Variants in LTB4R observed in about 807,000 individuals in gnomAD.
The protein encoded by LTB4R is leukotriene B4 receptor, also known as leukotriene B4 receptor 1.
For synonymous variants in LTB4R, 250 were observed against 230.7 expected, an observed-to-expected ratio of 1.08 and a Z score of -0.76; for missense variants, 470 against 485.6, an observed-to-expected ratio of 0.97 and a Z score of 0.30.
At position 24,316,384 on chromosome 14, in the gene LTB4R, G is replaced by GCGGGCCGCGCGCTGGCCGGC; in HGVS notation, c.735_754dup (p.Gln252ArgfsTer12). ...CTACCACGTGGTGAACCTGGCTGAG[G>GCGGGCCGCGCGCTGGCCGGC]CGGGCCGCGCGCTGGCCGGCCAGGC... is the stretch of plus-strand genomic sequence containing the variant. On this transcript the variant is annotated frameshift_variant, in exon 2 of 2. Transcript: ENST00000345363. LOFTEE classifies it low-confidence loss of function (END_TRUNC). The GCGGGCCGCGCGCTGGCCGGC allele has an allele frequency of 6.3e-7, 1 of 1,588,406 alleles. No homozygotes were observed. Among genetic ancestry groups the GCGGGCCGCGCGCTGGCCGGC allele is most frequent in the Non-Finnish European group, 8.5e-7 (1 of 1,171,866 alleles).
chr14:24,311,794 A>C lies in LTB4R; in HGVS notation c.-26A>C. ...CCCTGTCCCTTTCCACCCCCCACCC[A>C]CCCTCCAGAGGTCAGTGTTCTGGGA... On this transcript the variant is annotated 5_prime_UTR_variant, in exon 1 of 2. Transcript: ENST00000345363. 6.9e-7 allele frequency: 1 copy of C among 1,445,274 alleles called. No individual in the cohort carries two copies. Among genetic ancestry groups the C allele is most frequent in the Non-Finnish European group, 9.3e-7 (1 of 1,074,108 alleles). The allele number at this position is 1,445,274 out of a possible 1,614,324, so 89.5% of individuals were successfully genotyped here.
At chr14:24,314,208 G>C (rs2224122) in intron 1 of LTB4R, 23,329 of 152,276 alleles carry the variant, frequency 0.15, 2,453 homozygotes, top group Admixed American at 0.27. Context: ...AGGTGCTTGG[G>C]GAAAGGGGAA....
chr14:24,316,479 G>A lies in LTB4R; in HGVS notation c.828G>A (p.Leu276=). Residue 276 remains leucine (L), a synonymous_variant, in exon 2 of 2, where the codon CTG becomes CTA. Coordinates refer to ENST00000345363, the MANE Select transcript of LTB4R (RefSeq NM_001143919.3). ...ACGTGCTCATCGCACTCGCCTTCCTGAGCAGCAGCGTGAACCCCGTGCTGT... is the reference window on the plus strand; with the variant it reads ...ACGTGCTCATCGCACTCGCCTTCCTAAGCAGCAGCGTGAACCCCGTGCTGT... ...ARNVLIALAF[L]SSSVNPVLYA... 5.1e-6 allele frequency: 8 copies of A among 1,558,134 alleles called. No homozygotes were observed. Among genetic ancestry groups the A allele is most frequent in the Non-Finnish European group, 6.1e-6 (7 of 1,154,140 alleles).
Position 24,316,787 on chromosome 14 carries a change from G to GGGGCGTGGAGGGCGTGGA in LTB4R, c.*86_*103dup. On this transcript the variant is annotated 3_prime_UTR_variant, in exon 2 of 2. Coordinates refer to ENST00000345363, the MANE Select transcript of LTB4R (RefSeq NM_001143919.3). Reference sequence around the variant, plus strand: ...CAGTTCAGTACCTGGAGGAGGAGCAGGGGCGTGGAGGGCGTGGAGGGCGTG... The same window carrying GGGGCGTGGAGGGCGTGGA: ...CAGTTCAGTACCTGGAGGAGGAGCAGGGGCGTGGAGGGCGTGGAGGGCGTGGAGGGCGTGGAGGGCGTG... 6 of 1,200,902 alleles carry GGGGCGTGGAGGGCGTGGA rather than the reference G, an allele frequency of 5.0e-6. No homozygotes were observed. In the South Asian group the frequency reaches 5.5e-5, roughly 11 times the overall value. 74.4% of individuals were successfully genotyped at this position (1,200,902 alleles called of 1,614,324 possible).
chr14:24,315,593 C>T (rs45585134), intron 1 of LTB4R, 44 bp from the exon 2 acceptor site: 1 of 1,359,026 alleles, frequency 7.4e-7, no homozygotes, highest in Non-Finnish European at 1.0e-6. Flanking sequence ...TCAGGAAACC[C>T]TTGGTCCTCT....
In LTB4R at chr14:24,316,475, T is replaced by C; in HGVS notation, c.824T>C (p.Phe275Ser). Residue 275 changes from phenylalanine (F) to serine (S), a missense_variant, in exon 2 of 2, where the codon TTC (phenylalanine) becomes TCC (serine). Physicochemically the swap from Phe to Ser is radical, Grantham distance 155. Coordinates refer to ENST00000345363, the MANE Select transcript of LTB4R (RefSeq NM_001143919.3). ...CGCAACGTGCTCATCGCACTCGCCTTCCTGAGCAGCAGCGTGAACCCCGTG... is the reference window on the plus strand; with the variant it reads ...CGCAACGTGCTCATCGCACTCGCCTCCCTGAGCAGCAGCGTGAACCCCGTG... ...LARNVLIALA[F>S]LSSSVNPVLY... 6.4e-7 allele frequency: 1 copy of C among 1,560,454 alleles called. No homozygotes were observed. Among genetic ancestry groups the C allele is most frequent in the Non-Finnish European group, 8.7e-7 (1 of 1,155,354 alleles).
intron 1 of LTB4R, chr14:24,315,009 C>T (rs1264049105): frequency 6.5e-6 from 1 of 153,172 alleles, no homozygotes; most frequent in Non-Finnish European, 1.5e-5. Context: ...CAGTTCCTGC[C>T]AAAGCTTGTA....
Position 24,316,300 on chromosome 14 carries a change from C to G in LTB4R, c.649C>G (p.Arg217Gly), listed in dbSNP as rs780762185. ...ACAGGCCCGGCGCTTCCGCCGCAGC[C>G]GCCGCACCGGCCGCCTGGTGGTGCT... is the stretch of plus-strand genomic sequence containing the variant. ...RLQARRFRRSRRTGRLVVLII... is the reference protein window; with the variant it reads ...RLQARRFRRSGRTGRLVVLII... The change falls in exon 2 of 2, where the codon CGC becomes GGC. Residue 217 changes from arginine (R) to glycine (G), a missense_variant. Transcript: ENST00000345363. The G allele has an allele frequency of 1.2e-6, 2 of 1,603,762 alleles. No individual in the cohort carries two copies. The highest frequency in any genetic ancestry group is 1.1e-5 in the South Asian group (1 of 90,360).
In LTB4R at chr14:24,311,750, C is replaced by T; in HGVS notation, c.-70C>T. On this transcript the variant is annotated 5_prime_UTR_variant, in exon 1 of 2. Transcript: ENST00000345363. Reference sequence around the variant, plus strand: ...CGGAATGGGACCTTTGACAGCAGACCCTACAACCTGCTGCCCTTCCCTGTC... The same window carrying T: ...CGGAATGGGACCTTTGACAGCAGACTCTACAACCTGCTGCCCTTCCCTGTC... 6.4e-7 allele frequency: 1 copy of T among 1,551,286 alleles called. No individual in the cohort carries two copies. Among genetic ancestry groups the T allele is most frequent in the Non-Finnish European group, 8.7e-7 (1 of 1,145,000 alleles).
rs371275708 is a variant in LTB4R, at chr14:24,315,753, C to G, written c.102C>G (p.Pro34=). ...CAGTGGCGCTGGCTGTGGGGCTTCC[C>G]GGCAACAGCTTTGTGGTGTGGAGTA... ...LLSVALAVGL[P]GNSFVVWSIL... The change falls in exon 2 of 2, where the codon CCC becomes CCG. Residue 34 remains proline, a synonymous_variant. Coordinates refer to ENST00000345363, the MANE Select transcript of LTB4R (RefSeq NM_001143919.3). 1 of 1,614,194 alleles carries G rather than the reference C, an allele frequency of 6.2e-7. No individual in the cohort carries two copies.
intron 1 of LTB4R, chr14:24,313,915 A>C (rs1360170706): frequency 2.0e-5 from 3 of 152,180 alleles, no homozygotes; most frequent in Non-Finnish European, 1.5e-5. Context: ...CTTTTGCAGG[A>C]GACTTCAAGG....
Position 24,316,548 on chromosome 14 carries a change from C to T in LTB4R, c.897C>T (p.Gly299=), listed in dbSNP as rs2041775753. 7.0e-7 allele frequency: 1 copy of T among 1,437,928 alleles called. No individual in the cohort carries two copies. Among genetic ancestry groups the T allele is most frequent in the Non-Finnish European group, 9.1e-7 (1 of 1,103,400 alleles). 89.1% of individuals were successfully genotyped at this position (1,437,928 alleles called of 1,614,324 possible). The change falls in exon 2 of 2, where the codon GGC becomes GGT. Residue 299 remains glycine, a synonymous_variant. Transcript: ENST00000345363. The part of the protein sequence containing the change: ...GGGLLRSAGV[G]FVAKLLEGTG... ...GCCTGCTGCGCTCGGCGGGCGTGGG[C>T]TTCGTCGCCAAGCTGCTGGAGGGCA...
rs1436229543 is a variant in LTB4R, at chr14:24,316,863, A to G, written c.*153A>G. The G allele has an allele frequency of 7.0e-6, 4 of 574,876 alleles. No individual in the cohort carries two copies. Among genetic ancestry groups the G allele is most frequent in the Middle Eastern group, 5.0e-4 (1 of 2,006 alleles). 35.6% of individuals were successfully genotyped at this position (574,876 alleles called of 1,614,324 possible). ...GGAAGAAGAGGGAGAGGTGGAGCAA[A>G]GTGAGGGCCGAGTGAGAGCGTGCTC... On this transcript the variant is annotated 3_prime_UTR_variant, in exon 2 of 2. Transcript: ENST00000345363.
rs1430348234 is a variant in LTB4R at position 24,315,527 on chromosome 14, G to A, written c.-15-110G>A. On this transcript the variant is annotated intron_variant, in intron 1 of 1. Coordinates refer to ENST00000345363, the MANE Select transcript of LTB4R (RefSeq NM_001143919.3). Reference sequence around the variant, plus strand: ...GGCAGTATATTTCAGGGGGACCTCTGATGCTGCTGACCCTGGAGATAGACT... The same window carrying A: ...GGCAGTATATTTCAGGGGGACCTCTAATGCTGCTGACCCTGGAGATAGACT... 4.4e-6 allele frequency: 3 copies of A among 675,802 alleles called. No homozygotes were observed. The Admixed American group carries it at 8.1e-5, about 18-fold the overall frequency. The allele number at this position is 675,802 out of a possible 1,614,324, so 41.9% of individuals were successfully genotyped here.
Position 24,316,654 on chromosome 14 carries a change from G to C in LTB4R, c.1003G>C (p.Gly335Arg). ...ARSGPAALEPGPSESLTASSP... is the reference protein window; with the variant it reads ...ARSGPAALEPRPSESLTASSP... ...GAGCGGCCCCGCCGCTCTGGAGCCCGGCCCTTCCGAGAGCCTCACTGCCTC... is the reference window on the plus strand; with the variant it reads ...GAGCGGCCCCGCCGCTCTGGAGCCCCGCCCTTCCGAGAGCCTCACTGCCTC... Residue 335 changes from glycine (G) to arginine (R), a missense_variant, in exon 2 of 2, where the codon GGC (glycine) becomes CGC (arginine). Transcript: ENST00000345363. 5 of 1,539,354 alleles carry C rather than the reference G, an allele frequency of 3.2e-6. No individual in the cohort carries two copies. Among genetic ancestry groups the C allele is most frequent in the Middle Eastern group, 2.3e-4 (1 of 4,332 alleles).
rs1321762532 is a variant in LTB4R at position 24,317,735 on chromosome 14, C to T, written c.*1025C>T. On this transcript the variant is annotated 3_prime_UTR_variant, in exon 2 of 2. Coordinates refer to ENST00000345363, the MANE Select transcript of LTB4R (RefSeq NM_001143919.3). ...AAGGTTTGACATACTCCCATGGACC[C>T]CAAAGTATGAGCCAGTGAGAATGAG... 2 of 166,862 alleles carry T rather than the reference C, an allele frequency of 1.2e-5. No homozygotes were observed. Among genetic ancestry groups the T allele is most frequent in the African/African-American group, 4.8e-5 (2 of 41,346 alleles). The allele number at this position is 166,862 out of a possible 1,614,324, so 10.3% of individuals were successfully genotyped here. A position where few individuals can be genotyped will look rare whatever the true frequency, so the allele number is the denominator to read the frequency against.
rs2041709400 is a variant in LTB4R at position 24,311,655 on chromosome 14, C to G, written c.-165C>G. 1 of 1,612,882 alleles carries G rather than the reference C, an allele frequency of 6.2e-7. No individual in the cohort carries two copies. On this transcript the variant is annotated 5_prime_UTR_variant, in exon 1 of 2. Coordinates refer to ENST00000345363, the MANE Select transcript of LTB4R (RefSeq NM_001143919.3). ...AGGGACCATGGAGCTCCGAACTACC[C>G]CTCAGCTGAAAGTGGTGGGGCAGGG...
At position 24,316,698 on chromosome 14, in the gene LTB4R, C is replaced by T. The variant is rs2041778410; in HGVS notation, c.1047C>T (p.Asn349=). ...SLTASSPLKL[N]ELN ...CTGCCTCCAGCCCTCTCAAGTTAAA[C>T]GAACTGAACTAGGCCTGGTGGAAGG... Residue 349 remains asparagine (N), a synonymous_variant, in exon 2 of 2, where the codon AAC becomes AAT. Coordinates refer to ENST00000345363, the MANE Select transcript of LTB4R (RefSeq NM_001143919.3). 7 of 1,533,840 alleles carry T rather than the reference C, an allele frequency of 4.6e-6. No individual in the cohort carries two copies. The East Asian group carries it at 7.8e-5, about 17-fold the overall frequency.
Position 24,311,809 on chromosome 14 carries a change from G to C in LTB4R, c.-16+5G>C, listed in dbSNP as rs2041714674. ...CCCCCCACCCACCCTCCAGAGGTCA[G>C]TGTTCTGGGACATTTGGGGACCCTT... is the stretch of plus-strand genomic sequence containing the variant. On this transcript the variant is annotated splice_donor_5th_base_variant and intron_variant, in intron 1 of 1. Transcript: ENST00000345363. 1.5e-6 allele frequency: 2 copies of C among 1,376,884 alleles called. No homozygotes were observed. Among genetic ancestry groups the C allele is most frequent in the Non-Finnish European group, 2.0e-6 (2 of 1,018,886 alleles). 85.3% of individuals were successfully genotyped at this position (1,376,884 alleles called of 1,614,324 possible). A position where few individuals can be genotyped will look rare whatever the true frequency, so the allele number is the denominator to read the frequency against.
Sources: allele counts gnomAD v4.1 joint callset, GRCh38; gene constraint gnomAD v4.1.1; transcripts MANE v1.5; gene names NCBI Gene and HGNC (gene_info 2026-07-23, HGNC 2026-07-21).